The following IL18RAP variants were observed in gnomAD, a reference collection of about 807,000 sequenced individuals.
IL18RAP encodes interleukin 18 receptor accessory protein.
A neutral mutation model predicts 58.1 loss-of-function variants in IL18RAP; 37 were observed. The observed-to-expected ratio is 0.64, with a 90% CI of 0.49 to 0.84. The LOEUF (loss-of-function observed/expected upper bound fraction) is 0.84. Among genes scored for constraint, IL18RAP ranks in the 40% least tolerant of loss-of-function variants. IL18RAP has a pLI of 0.00. For missense variants in IL18RAP, 667 were observed against 704.8 expected (o/e 0.95, Z 0.61); for synonymous variants, 268 against 257.5 (o/e 1.04, Z -0.39).
intron 7 of IL18RAP, 91 bp downstream of exon 7, chr2:102,445,431 G>A: frequency 7.6e-7 from 1 of 1,307,832 alleles, no homozygotes; most frequent in Non-Finnish European, 1.1e-6. Flanking sequence ...TGATGACAGC[G>A]ATTACATTTT....
At chr2:102,438,403 C>T (rs1682889990) in intron 4 of IL18RAP, among the ~76,000 whole-genome samples, 1 of 152,128 alleles carries the variant, frequency 6.6e-6, no homozygotes, top group Middle Eastern at 3.2e-3. Context: ...CTCTCCTGCC[C>T]CTTGCACCCT....
In IL18RAP at chr2:102,452,108, C is replaced by T; in HGVS notation, c.1727C>T (p.Ser576Phe). The T allele has an allele frequency of 6.2e-7, 1 of 1,614,122 alleles. No individual in the cohort carries two copies. The highest frequency in any genetic ancestry group is 8.5e-7 in the Non-Finnish European group (1 of 1,180,024). ...GFTWNQLRIT[S>F]RIFQWKGLSR... is the part of the protein sequence containing the mutation. ...ACGTGGAACCAGCTCAGAATTACCTCTAGGATTTTTCAGTGGAAAGGACTC... is the reference window on the plus strand; with the variant it reads ...ACGTGGAACCAGCTCAGAATTACCTTTAGGATTTTTCAGTGGAAAGGACTC... Residue 576 changes from serine (S) to phenylalanine (F), a missense_variant, in exon 10 of 10, where the codon TCT (serine) becomes TTT (phenylalanine). Ser to Phe is a radical substitution (Grantham distance 155, BLOSUM62 -2). Coordinates refer to ENST00000687160, the MANE Select transcript of IL18RAP (RefSeq NM_001393487.1).
intron 5 of IL18RAP, 144 bp from the exon 6 acceptor site, chr2:102,443,056 C>T (rs1162494537): frequency 3.3e-5 from 23 of 700,172 alleles, no homozygotes; most frequent in East Asian, 5.3e-5. Context: ...GCTGTGTAGA[C>T]GTTTCATTAT....
chr2:102,435,905 A>T (rs961096392), intron 3 of IL18RAP, among the ~76,000 whole-genome samples: 1 of 148,668 alleles, frequency 6.7e-6, no homozygotes, highest in African/African-American at 2.5e-5. Context: ...ATTCATTCAG[A>T]TTCACAGTGG....
chr2:102,420,552 T>C (rs1681511847), upstream of IL18RAP, among the ~76,000 whole-genome samples: 1 of 152,140 alleles, frequency 6.6e-6, no homozygotes. Context: ...CATTCCTGAG[T>C]GCTGGAGACT....
At chr2:102,446,650 A>G (rs1573301124) in intron 7 of IL18RAP, among the ~76,000 whole-genome samples, 1 of 152,120 alleles carries the variant, frequency 6.6e-6, no homozygotes. Flanking sequence ...ATACAAAAAA[A>G]ATTAGCCGGG....
At chr2:102,443,066 T>C (rs1416044409) in intron 5 of IL18RAP, 134 bp from the exon 6 acceptor site, 1 of 792,980 alleles carries the variant, frequency 1.3e-6, no homozygotes, top group Admixed American at 2.6e-5. Flanking sequence ...CGTTTCATTA[T>C]TTCTGGCACA....
intron 7 of IL18RAP, 83 bp from the exon 8 acceptor site, chr2:102,446,987 G>GCTGGA: frequency 2.2e-6 from 3 of 1,393,770 alleles, no homozygotes; most frequent in Non-Finnish European, 2.9e-6. Flanking sequence ...AAGGTGCTGG[G>GCTGGA]TGGGCCATAG....
chr2:102,449,904 C>G lies in IL18RAP; in HGVS notation c.1211-944C>G, dbSNP rs559120280. 5.3e-5 allele frequency among the ~76,000 whole-genome samples: 8 copies of G among 152,314 alleles called. No individual in the cohort carries two copies. The South Asian group carries it at 6.2e-4, about 12-fold the overall frequency. Reference sequence around the variant, plus strand: ...GGTGCTTCATAGGTTAGTTTCCCAACCTCAGCTCTTTTATATCCTCCTCTG... The same window carrying G: ...GGTGCTTCATAGGTTAGTTTCCCAAGCTCAGCTCTTTTATATCCTCCTCTG... On this transcript the variant is annotated intron_variant, in intron 8 of 9. Coordinates refer to ENST00000687160, the MANE Select transcript of IL18RAP (RefSeq NM_001393487.1).
upstream of IL18RAP, chr2:102,423,119 G>T (rs1472331904): frequency 5.5e-6 from 4 of 732,654 alleles, no homozygotes; most frequent in Admixed American, 7.0e-5. Flanking sequence ...AGCTTCCTGT[G>T]TGAGATGCAC....
In IL18RAP at chr2:102,450,926, A is replaced by T. The variant is rs765299021; in HGVS notation, c.1289A>T (p.Glu430Val). 5 of 1,612,900 alleles carry T rather than the reference A, an allele frequency of 3.1e-6. No homozygotes were observed. The East Asian group carries it at 6.7e-5, about 22-fold the overall frequency. The change falls in exon 9 of 10, where the codon GAA becomes GTA. Residue 430 changes from glutamate to valine, a missense_variant. Transcript: ENST00000687160. ...FPSEATSSLSEEHLALSLFPD... is the reference protein window; with the variant it reads ...FPSEATSSLSVEHLALSLFPD... ...AGTGAGGCCACTTCATCTCTGAGTG[A>T]AGAACACTTGGCCCTGAGCCTATTT... is the stretch of plus-strand genomic sequence containing the variant.
upstream of IL18RAP, among the ~76,000 whole-genome samples, chr2:102,421,104 T>G (rs1213916272): frequency 1.3e-5 from 2 of 152,204 alleles, no homozygotes; most frequent in Non-Finnish European, 2.9e-5. Flanking sequence ...AGCTAGGCAC[T>G]ATTCCTGCAG....
At chr2:102,437,415 A>G in intron 4 of IL18RAP, 53 bp downstream of exon 4, 1 of 1,565,580 alleles carries the variant, frequency 6.4e-7, no homozygotes, top group South Asian at 1.2e-5. Context: ...AATTAAAATT[A>G]TCTTCTTTTG....
chr2:102,429,736 G>A (rs572133794), intron 3 of IL18RAP, among the ~76,000 whole-genome samples: 1 of 151,796 alleles, frequency 6.6e-6, no homozygotes, highest in East Asian at 1.9e-4. Context: ...GACTGCTTTC[G>A]CTGCATCCCA....
chr2:102,443,590 T>C (rs914326481), intron 6 of IL18RAP, among the ~76,000 whole-genome samples: 1 of 152,148 alleles, frequency 6.6e-6, no homozygotes, highest in South Asian at 2.1e-4. Context: ...TGCTTGGAGA[T>C]AAGTAATATG....
At chr2:102,434,236 C>G (rs1418647768) in intron 3 of IL18RAP, 1 of 152,152 alleles carries the variant, frequency 6.6e-6, no homozygotes, top group Non-Finnish European at 1.5e-5. Context: ...ATTGCCACAG[C>G]CCCACTATTG....
intron 6 of IL18RAP, 86 bp downstream of exon 6, chr2:102,443,409 G>A (rs1683224671): frequency 2.7e-6 from 4 of 1,471,340 alleles, no homozygotes; most frequent in African/African-American, 1.4e-5. Context: ...TACAGTTGAT[G>A]GTGTAGCCAC....
At chr2:102,432,042 G>A (rs954603211) in intron 3 of IL18RAP, among the ~76,000 whole-genome samples, 2 of 152,140 alleles carry the variant, frequency 1.3e-5, no homozygotes, top group African/African-American at 4.8e-5. Context: ...TGAGGAAACA[G>A]CCACCTCTTT....
chr2:102,436,785 ATGTG>A (rs1195194084), intron 3 of IL18RAP, among the ~76,000 whole-genome samples: 11 of 138,808 alleles, frequency 7.9e-5, no homozygotes, highest in African/African-American at 2.9e-4. Context: ...TGTTATATAT[ATGTG>A]TGTGTATGTA....
Sources: allele counts gnomAD v4.1 joint callset (sites outside exome capture counted in the v4.1 genomes callset), GRCh38; gene constraint gnomAD v4.1.1; transcripts MANE v1.5; gene names NCBI Gene and HGNC (gene_info 2026-07-23, HGNC 2026-07-21).